GRIA1: variants seen among roughly 807,000 people sequenced by gnomAD.
The protein encoded by GRIA1 is glutamate receptor 1.
GRIA1 carries 31 observed loss-of-function variants against 99.2 expected under a neutral mutation model. That is an observed-to-expected ratio of 0.31 (90% CI 0.23 to 0.42). The LOEUF (loss-of-function observed/expected upper bound fraction) is 0.42. Among genes scored for constraint, GRIA1 ranks in the 10% least tolerant of loss-of-function variants. The probability of loss-of-function intolerance (pLI) is 1.00; values close to 1 mark genes in which losing one functional copy is unlikely to be tolerated. For synonymous variants in GRIA1, 438 were observed against 432.4 expected (o/e 1.01, Z -0.16); for missense variants, 782 against 1,157.5 (o/e 0.68, Z 4.71).
At chr5:153,652,638 G>A (rs546341418) in intron 4 of GRIA1, among the ~76,000 whole-genome samples, 10 of 152,260 alleles carry the variant, frequency 6.6e-5, no homozygotes, top group South Asian at 2.1e-4. Context: ...GAAGTGACCC[G>A]TTTGTATGGG....
At chr5:153,596,601 G>A (rs1764453098) in intron 2 of GRIA1, among the ~76,000 whole-genome samples, 1 of 152,084 alleles carries the variant, frequency 6.6e-6, no homozygotes. Flanking sequence ...CCAAATCCAA[G>A]GCTCTGTTCA....
chr5:153,551,618 T>A (rs1760148635), intron 2 of GRIA1, among the ~76,000 whole-genome samples: 1 of 152,284 alleles, frequency 6.6e-6, no homozygotes, highest in Non-Finnish European at 1.5e-5. Flanking sequence ...GAACTGTAAA[T>A]CACCTTCAGA....
At chr5:153,495,803 C>A (rs1235441112) in intron 2 of GRIA1, among the ~76,000 whole-genome samples, 1 of 151,996 alleles carries the variant, frequency 6.6e-6, no homozygotes, top group African/African-American at 2.4e-5. Context: ...ATTAGATAAC[C>A]TTTCTTTACT....
chr5:153,629,012 C>G (rs1026741528), intron 2 of GRIA1, among the ~76,000 whole-genome samples: 2 of 152,104 alleles, frequency 1.3e-5, no homozygotes. Flanking sequence ...TTTGTTTTAC[C>G]AATGAGAACC....
At chr5:153,547,110 G>A (rs771140843) in intron 2 of GRIA1, among the ~76,000 whole-genome samples, 3 of 152,118 alleles carry the variant, frequency 2.0e-5, no homozygotes, top group Admixed American at 6.5e-5. Context: ...AGCCCAACAC[G>A]GCTTTGAATG....
At chr5:153,592,881 G>T (rs1474610383) in intron 2 of GRIA1, among the ~76,000 whole-genome samples, 1 of 152,170 alleles carries the variant, frequency 6.6e-6, no homozygotes. Context: ...CTGCATCTTT[G>T]CATGAAAGAG....
intron 11 of GRIA1, among the ~76,000 whole-genome samples, chr5:153,707,661 G>A (rs190909769): frequency 3.3e-5 from 5 of 152,186 alleles, no homozygotes; most frequent in South Asian, 2.1e-4. Flanking sequence ...ACCTATCTAC[G>A]TTTTGCATTT....
At chr5:153,713,687 AG>A (rs1421724706) in intron 11 of GRIA1, among the ~76,000 whole-genome samples, 2 of 152,234 alleles carry the variant, frequency 1.3e-5, no homozygotes, top group African/African-American at 2.4e-5. Flanking sequence ...GCCATCAGCA[AG>A]GGGGAAGCAT....
intron 2 of GRIA1, among the ~76,000 whole-genome samples, chr5:153,633,414 T>C (rs1753116994): frequency 6.6e-6 from 1 of 152,100 alleles, no homozygotes; most frequent in Admixed American, 6.5e-5. Flanking sequence ...TTAGCAGGAG[T>C]TGTTTCCTGC....
chr5:153,573,063 A>C (rs757686095), intron 2 of GRIA1, among the ~76,000 whole-genome samples: 2 of 152,152 alleles, frequency 1.3e-5, no homozygotes, highest in Non-Finnish European at 2.9e-5. Context: ...TTGAGTGACA[A>C]CCCAAATAAA....
intron 2 of GRIA1, among the ~76,000 whole-genome samples, chr5:153,633,333 A>G (rs948833214): frequency 3.3e-5 from 5 of 152,220 alleles, no homozygotes; most frequent in Non-Finnish European, 7.3e-5. Context: ...TAGCAGGGAT[A>G]TACAAAGGGA....
intron 2 of GRIA1, among the ~76,000 whole-genome samples, chr5:153,567,507 A>C (rs902040292): frequency 1.3e-5 from 2 of 152,172 alleles, no homozygotes; most frequent in African/African-American, 4.8e-5. Flanking sequence ...CTGTGTAAGG[A>C]TATCTGTAGC....
At chr5:153,753,806 T>A (rs1762649030) in intron 11 of GRIA1, among the ~76,000 whole-genome samples, 2 of 152,140 alleles carry the variant, frequency 1.3e-5, no homozygotes, top group South Asian at 4.2e-4. Context: ...TCCAAGGGCT[T>A]CAGATCACAG....
chr5:153,566,315 T>TTTTTTTTTTTTTTTTTTTTTTC, intron 2 of GRIA1, among the ~76,000 whole-genome samples: 1 of 127,818 alleles, frequency 7.8e-6, no homozygotes, highest in Admixed American at 8.2e-5. Flanking sequence ...TTTTTTTTTT[T>TTTTTTTTTTTTTTTTTTTTTTC]TTTTTCCAGA....
At chr5:153,750,245 T>C (rs936887311) in intron 11 of GRIA1, among the ~76,000 whole-genome samples, 1 of 152,190 alleles carries the variant, frequency 6.6e-6, no homozygotes, top group African/African-American at 2.4e-5. Flanking sequence ...TGAACACAGC[T>C]CAGCTCAGTA....
intron 2 of GRIA1, among the ~76,000 whole-genome samples, chr5:153,580,744 C>T (rs549039604): frequency 2.0e-5 from 3 of 152,268 alleles, no homozygotes; most frequent in African/African-American, 7.2e-5. Flanking sequence ...CAGGCTGCAA[C>T]ATCTCATTAG....
chr5:153,738,720 CTTTT>C (rs55874747), intron 11 of GRIA1, among the ~76,000 whole-genome samples: 23 of 102,340 alleles, frequency 2.2e-4, no homozygotes, highest in Non-Finnish European at 3.4e-4. Context: ...TCCATACCTT[CTTTT>C]TTTTTTTTTT....
At chr5:153,530,924 G>A (rs980116455) in intron 2 of GRIA1, among the ~76,000 whole-genome samples, 1 of 152,192 alleles carries the variant, frequency 6.6e-6, no homozygotes, top group South Asian at 2.1e-4. Context: ...TAAGATAGAC[G>A]CAAGCTCTGC....
At chr5:153,761,857 C>T (rs1763205259) in intron 11 of GRIA1, among the ~76,000 whole-genome samples, 1 of 152,196 alleles carries the variant, frequency 6.6e-6, no homozygotes, top group South Asian at 2.1e-4. Context: ...GAAATCCTGT[C>T]ATTTGCAACA....
Sources: gnomAD v4.1 joint callset for allele counts (sites outside exome capture counted in the v4.1 genomes callset) on GRCh38, gnomAD v4.1.1 for gene constraint, MANE v1.5 for transcripts, NCBI Gene and HGNC (gene_info 2026-07-23, HGNC 2026-07-21) for gene names.